SYCP2: variants seen among roughly 807,000 people sequenced by gnomAD.
The protein encoded by SYCP2 is synaptonemal complex protein 2, also known as synaptonemal complex lateral element protein.
A neutral mutation model predicts 211.3 loss-of-function variants in SYCP2; 55 were observed. The observed-to-expected ratio is 0.26, with a 90% CI of 0.21 to 0.33. The LOEUF (loss-of-function observed/expected upper bound fraction) is 0.33, where lower values mean the gene tolerates loss of function less well. Among genes scored for constraint, SYCP2 ranks in the 10% least tolerant of loss-of-function variants. The probability of loss-of-function intolerance (pLI) is 1.00; values close to 1 mark genes in which losing one functional copy is unlikely to be tolerated. For synonymous variants in SYCP2, 570 were observed against 555.2 expected, an observed-to-expected ratio of 1.03 and a Z score of -0.37; for missense variants, 1,731 against 1,752.0, an observed-to-expected ratio of 0.99 and a Z score of 0.21.
chr20:59,921,488 A>G (rs2060540211), intron 3 of SYCP2, 35 bp from the exon 4 acceptor site: 1 of 1,489,102 alleles, frequency 6.7e-7, no homozygotes, highest in East Asian at 2.4e-5. Context: ...ATACTGTATC[A>G]AAACCAAAAT....
chr20:59,877,599 A>G (rs1456277597), intron 32 of SYCP2, 44 bp from the exon 33 acceptor site: 2 of 1,486,612 alleles, frequency 1.3e-6, no homozygotes, highest in Non-Finnish European at 1.8e-6. Flanking sequence ...TATTTGAGGT[A>G]CAAGAAATAC....
chr20:59,918,174 C>A (rs2060477223), intron 7 of SYCP2, among the ~76,000 whole-genome samples: 1 of 152,158 alleles, frequency 6.6e-6, no homozygotes, highest in Non-Finnish European at 1.5e-5. Flanking sequence ...CTGTCCTCAA[C>A]CTTTATTGCT....
chr20:59,883,417 T>C (rs532531171), intron 26 of SYCP2, among the ~76,000 whole-genome samples: 15 of 152,124 alleles, frequency 9.9e-5, no homozygotes, highest in African/African-American at 3.6e-4. Context: ...GTATTTATAA[T>C]AATCAAAACA....
chr20:59,876,015 G>A (rs1268674162), intron 33 of SYCP2, among the ~76,000 whole-genome samples: 1 of 151,400 alleles, frequency 6.6e-6, no homozygotes, highest in African/African-American at 2.4e-5. Flanking sequence ...TTCCTTTGAA[G>A]AGGGATAAGA....
chr20:59,911,869 T>C (rs777343826), intron 13 of SYCP2, 24 bp from the exon 14 acceptor site: 5 of 1,220,088 alleles, frequency 4.1e-6, no homozygotes, highest in African/African-American at 1.5e-5. Flanking sequence ...CATACAAAAC[T>C]GGAATATACA....
At position 59,922,618 on chromosome 20, in the gene SYCP2, T is replaced by C. The variant is rs193242250; in HGVS notation, c.-46-159A>G. Among the ~76,000 whole-genome samples, 267 of 151,898 alleles carry C rather than the reference T, an allele frequency of 1.8e-3. 1 individual carries two copies. Among genetic ancestry groups the C allele is most frequent in the Middle Eastern group, 0.01 (3 of 294 alleles). ...GTTTATTAAATTACACATTTGAATA[T>C]GATCAAATAAGTTTCTAGAGAAAAG... is the stretch of plus-strand genomic sequence containing the variant. On this transcript the variant is annotated intron_variant, in intron 2 of 44. Coordinates refer to ENST00000357552, the MANE Select transcript of SYCP2 (RefSeq NM_014258.4).
chr20:59,931,420 G>A (rs75723794), intron 2 of SYCP2, among the ~76,000 whole-genome samples: 4,071 of 152,246 alleles, frequency 0.027, 194 homozygotes, highest in African/African-American at 0.092. Context: ...AGCCATACAT[G>A]TAGTTTTCTG....
At chr20:59,922,940 G>A (rs2060568510) in intron 2 of SYCP2, among the ~76,000 whole-genome samples, 1 of 151,874 alleles carries the variant, frequency 6.6e-6, no homozygotes, top group Non-Finnish European at 1.5e-5. Context: ...TAACTCAAAT[G>A]CATTTCATAT....
At chr20:59,894,371 C>T (rs910384110) in intron 20 of SYCP2, among the ~76,000 whole-genome samples, 1 of 151,916 alleles carries the variant, frequency 6.6e-6, no homozygotes, top group Non-Finnish European at 1.5e-5. Context: ...AGGACCATGT[C>T]GCACAACTGA....
chr20:59,914,260 A>G lies in SYCP2; in HGVS notation c.635-9T>C. The G allele has an allele frequency of 6.7e-7, 1 of 1,490,932 alleles. No individual in the cohort carries two copies. Among genetic ancestry groups the G allele is most frequent in the East Asian group, 2.3e-5 (1 of 43,784 alleles). The allele number at this position is 1,490,932 out of a possible 1,614,324, so 92.4% of individuals were successfully genotyped here. ...TACCTGTAAGTCATAATCTATTAAA[A>G]AAATAGTTAATGTTTGATTTACAAT... On this transcript the variant is annotated splice_polypyrimidine_tract_variant and intron_variant, in intron 10 of 44. Coordinates refer to ENST00000357552, the MANE Select transcript of SYCP2 (RefSeq NM_014258.4).
At chr20:59,915,410 A>T in intron 9 of SYCP2, 55 bp downstream of exon 9, 1 of 1,266,232 alleles carries the variant, frequency 7.9e-7, no homozygotes, top group East Asian at 2.3e-5. Flanking sequence ...TGTCTGTCTT[A>T]TAAAACATTC....
intron 15 of SYCP2, 71 bp downstream of exon 15, chr20:59,907,293 C>A: frequency 3.0e-6 from 3 of 1,000,780 alleles, no homozygotes; most frequent in South Asian, 1.5e-5. Context: ...TTTGTTAACC[C>A]AGAAAGGATG....
At chr20:59,879,777 G>T (rs1243723108) in intron 31 of SYCP2, among the ~76,000 whole-genome samples, 2 of 145,246 alleles carry the variant, frequency 1.4e-5, no homozygotes, top group South Asian at 4.3e-4. Context: ...AAAAGGATGC[G>T]TGTTGGGTGC....
chr20:59,885,793 A>T lies in SYCP2; in HGVS notation c.2529+135T>A. The T allele has an allele frequency of 4.2e-6, 3 of 722,576 alleles. 1 individual carries two copies. In the South Asian group the frequency reaches 5.1e-5, roughly 12 times the overall value. The allele number at this position is 722,576 out of a possible 1,614,324, so 44.8% of individuals were successfully genotyped here. A position where few individuals can be genotyped will look rare whatever the true frequency, so the allele number is the denominator to read the frequency against. On this transcript the variant is annotated intron_variant, in intron 26 of 44. Coordinates refer to ENST00000357552, the MANE Select transcript of SYCP2 (RefSeq NM_014258.4). ...TTGAGTACTTGCTATTAAACCTGTC[A>T]GTGGTTATCATTCATTTAGCAATAT...
intron 12 of SYCP2, among the ~76,000 whole-genome samples, chr20:59,912,907 T>C (rs181027470): frequency 6.6e-6 from 1 of 152,336 alleles, no homozygotes; most frequent in East Asian, 1.9e-4. Flanking sequence ...CCACGTAAGA[T>C]GGGACTTGCT....
chr20:59,870,900 C>T (rs910512547), intron 35 of SYCP2, among the ~76,000 whole-genome samples: 3 of 151,614 alleles, frequency 2.0e-5, no homozygotes, highest in African/African-American at 7.3e-5. Context: ...AAAAAGAAAG[C>T]CTGGAGAGAC....
chr20:59,879,698 CAA>C (rs374354150), intron 31 of SYCP2, among the ~76,000 whole-genome samples: 1 of 140,846 alleles, frequency 7.1e-6, no homozygotes, highest in Admixed American at 7.1e-5. Flanking sequence ...AACTTAGACC[CAA>C]AAAAAAAAAT....
At chr20:59,869,713 A>C in intron 36 of SYCP2, 85 bp downstream of exon 36, 1 of 697,954 alleles carries the variant, frequency 1.4e-6, no homozygotes, top group Non-Finnish European at 2.3e-6. Context: ...AAAATATTAT[A>C]ATTACCACTA....
chr20:59,880,556 A>T (rs1299411232), intron 30 of SYCP2, 85 bp from the exon 31 acceptor site: 3 of 719,840 alleles, frequency 4.2e-6, no homozygotes, highest in African/African-American at 3.7e-5. Flanking sequence ...CAACAACAAC[A>T]ACAAAAAAAA....
Sources: allele counts gnomAD v4.1 joint callset (sites outside exome capture counted in the v4.1 genomes callset), GRCh38; gene constraint gnomAD v4.1.1; transcripts MANE v1.5; gene names NCBI Gene and HGNC (gene_info 2026-07-23, HGNC 2026-07-21).